PLEKHA2: variants seen among roughly 807,000 people sequenced by gnomAD.
The protein encoded by PLEKHA2 is pleckstrin homology domain containing A2, also known as pleckstrin homology domain-containing family A member 2.
A neutral mutation model predicts 53.2 loss-of-function variants in PLEKHA2; 28 were observed. That is an observed-to-expected ratio of 0.53 (90% CI 0.39 to 0.72). The LOEUF is 0.72. PLEKHA2 is among the 30% of genes least tolerant of loss of function. PLEKHA2 has a pLI of 0.00. For missense variants in PLEKHA2, 426 were observed against 537.9 expected, an observed-to-expected ratio of 0.79 and a Z score of 2.06; for synonymous variants, 193 against 196.4, an observed-to-expected ratio of 0.98 and a Z score of 0.14.
chr8:38,916,448 T>G (rs1285476720), intron 1 of PLEKHA2, among the ~76,000 whole-genome samples: 1 of 152,096 alleles, frequency 6.6e-6, no homozygotes, highest in Non-Finnish European at 1.5e-5. Flanking sequence ...TAACCACCCT[T>G]CTACTCTCTA....
intron 10 of PLEKHA2, among the ~76,000 whole-genome samples, chr8:38,964,442 C>G (rs1373923422): frequency 6.6e-6 from 1 of 152,108 alleles, no homozygotes; most frequent in Non-Finnish European, 1.5e-5. Flanking sequence ...TGTGAGGGAT[C>G]TAGGTTGTGC....
At chr8:38,932,482 G>A (rs992540779) in intron 2 of PLEKHA2, among the ~76,000 whole-genome samples, 3 of 152,146 alleles carry the variant, frequency 2.0e-5, no homozygotes, top group Non-Finnish European at 4.4e-5. Flanking sequence ...CCAGGGAAGA[G>A]GGGGGACAGC....
intron 2 of PLEKHA2, 115 bp downstream of exon 2, chr8:38,918,185 A>G: frequency 1.5e-6 from 2 of 1,370,308 alleles, no homozygotes; most frequent in Non-Finnish European, 2.0e-6. Context: ...CCTGCTGATC[A>G]GCAGGGAGGG....
chr8:38,918,187 C>A, intron 2 of PLEKHA2, 117 bp downstream of exon 2: 1 of 1,345,352 alleles, frequency 7.4e-7, no homozygotes, highest in Non-Finnish European at 1.0e-6. Flanking sequence ...TGCTGATCAG[C>A]AGGGAGGGGA....
chr8:38,923,420 T>C lies in PLEKHA2; in HGVS notation c.141+5350T>C, dbSNP rs112020587. Among the ~76,000 whole-genome samples, 7 of 152,358 alleles carry C rather than the reference T, an allele frequency of 4.6e-5. 1 individual carries two copies. The highest frequency in any genetic ancestry group is 1.7e-4 in the African/African-American group (7 of 41,580). On this transcript the variant is annotated intron_variant, in intron 2 of 11. Transcript: ENST00000617275. ...TGGGGTTTCACTATGTTGGTCAGCC[T>C]GGTCTTGAACTCCTGACCTCAAATG...
chr8:38,951,768 G>T (rs1294706702), intron 6 of PLEKHA2, among the ~76,000 whole-genome samples: 1 of 152,068 alleles, frequency 6.6e-6, no homozygotes, highest in Non-Finnish European at 1.5e-5. Flanking sequence ...GTGCAGTGGT[G>T]CAATCATGGC....
chr8:38,947,726 C>G (rs1240991981), intron 5 of PLEKHA2, among the ~76,000 whole-genome samples: 6 of 152,158 alleles, frequency 3.9e-5, no homozygotes, highest in African/African-American at 7.2e-5. Flanking sequence ...CAGTGTTCTT[C>G]GGGATTTTGA....
chr8:38,933,243 G>A (rs1451008535), intron 2 of PLEKHA2, among the ~76,000 whole-genome samples: 1 of 152,062 alleles, frequency 6.6e-6, no homozygotes, highest in Non-Finnish European at 1.5e-5. Flanking sequence ...CTGTGGGAGG[G>A]GGATCGGGAC....
intron 2 of PLEKHA2, among the ~76,000 whole-genome samples, chr8:38,919,695 A>C (rs1226252657): frequency 6.6e-6 from 1 of 152,244 alleles, no homozygotes; most frequent in South Asian, 2.1e-4. Flanking sequence ...AGAGAAAAAC[A>C]GCATAGATGC....
rs1834860424 is a variant in PLEKHA2 at position 38,952,330 on chromosome 8, G to A, written c.633+18G>A. ...GGAATGTGGTGAGTGTCAGCACAGG[G>A]GCTGAATTGGGGTTCTGGTGACTCC... On this transcript the variant is annotated intron_variant, in intron 7 of 11. Coordinates refer to ENST00000617275, the MANE Select transcript of PLEKHA2 (RefSeq NM_021623.2). The A allele has an allele frequency of 6.2e-7, 1 of 1,609,386 alleles. No homozygotes were observed. The highest frequency in any genetic ancestry group is 8.5e-7 in the Non-Finnish European group (1 of 1,177,844).
At chr8:38,966,612 G>A (rs943033261) in intron 10 of PLEKHA2, among the ~76,000 whole-genome samples, 1 of 152,200 alleles carries the variant, frequency 6.6e-6, no homozygotes, top group African/African-American at 2.4e-5. Context: ...TAGCGAGGCC[G>A]CTGGAGTTTC....
At position 38,913,351 on chromosome 8, in the gene PLEKHA2, G is replaced by A. The variant is rs372523008; in HGVS notation, c.-23-4556G>A. On this transcript the variant is annotated intron_variant, in intron 1 of 11. Transcript: ENST00000617275. The stretch of plus-strand genomic sequence containing the variant: ...TGCACTCCAGCCTGGGTGACATAGC[G>A]AGACTCCATCTCAAAAAGGAAAAAA... 3.6e-5 allele frequency among the ~76,000 whole-genome samples: 5 copies of A among 137,688 alleles called. No homozygotes were observed. The South Asian group carries it at 6.8e-4, about 19-fold the overall frequency. The allele number at this position is 137,688 out of a possible 152,430, so 90.3% of individuals were successfully genotyped here.
chr8:38,903,382 TC>T (rs1320276049), intron 1 of PLEKHA2, among the ~76,000 whole-genome samples: 5 of 152,238 alleles, frequency 3.3e-5, no homozygotes, highest in Admixed American at 6.5e-5. Flanking sequence ...TGCAACCCTT[TC>T]TTTTTCCTTG....
intron 3 of PLEKHA2, among the ~76,000 whole-genome samples, chr8:38,939,024 C>T (rs1229962603): frequency 6.6e-6 from 1 of 152,054 alleles, no homozygotes; most frequent in Non-Finnish European, 1.5e-5. Flanking sequence ...CTGCCTCAGC[C>T]TCCCGAGTAG....
At chr8:38,938,108 C>T (rs903902829) in intron 3 of PLEKHA2, among the ~76,000 whole-genome samples, 3 of 152,230 alleles carry the variant, frequency 2.0e-5, no homozygotes, top group Admixed American at 6.5e-5. Flanking sequence ...TGCCTCCACC[C>T]GCCGACTGCA....
intron 1 of PLEKHA2, among the ~76,000 whole-genome samples, chr8:38,914,570 G>A (rs1167703848): frequency 6.6e-6 from 1 of 152,204 alleles, no homozygotes. Context: ...CATGGGCTTG[G>A]GCCACCAGGA....
intron 2 of PLEKHA2, among the ~76,000 whole-genome samples, chr8:38,933,761 A>G (rs1588251812): frequency 7.3e-6 from 1 of 137,464 alleles, no homozygotes; most frequent in Non-Finnish European, 1.6e-5. Context: ...GTCTCTTCCT[A>G]CCCAATAGAG....
chr8:38,969,766 C>T lies in PLEKHA2; in HGVS notation c.1261C>T (p.Arg421Trp), dbSNP rs1220715664. 1.5e-6 allele frequency: 2 copies of T among 1,313,514 alleles called. No homozygotes were observed. Among genetic ancestry groups the T allele is most frequent in the East Asian group, 5.2e-5 (1 of 19,130 alleles). 81.4% of individuals were successfully genotyped at this position (1,313,514 alleles called of 1,614,324 possible). Residue 421 changes from arginine to tryptophan, a missense_variant, in exon 12 of 12, where the codon CGG (arginine) becomes TGG (tryptophan). Transcript: ENST00000617275. ...FMFNLDDENI[R>W]TSDV is the part of the protein sequence containing the mutation. ...GTTCAACCTTGATGATGAAAACATA[C>T]GGACCTCTGATGTGTGATGGAGCAC...
At chr8:38,964,620 T>A (rs188829999) in intron 10 of PLEKHA2, among the ~76,000 whole-genome samples, 1 of 152,110 alleles carries the variant, frequency 6.6e-6, no homozygotes, top group Non-Finnish European at 1.5e-5. Context: ...GAGGACTAGG[T>A]GGGTGAACCA....
Sources: gnomAD v4.1 joint callset for allele counts (sites outside exome capture counted in the v4.1 genomes callset) on GRCh38, gnomAD v4.1.1 for gene constraint, MANE v1.5 for transcripts, NCBI Gene and HGNC (gene_info 2026-07-23, HGNC 2026-07-21) for gene names.